NXPE3: variants seen among roughly 807,000 people sequenced by gnomAD.
NXPE3 encodes neurexophilin and PC-esterase domain family member 3.
A neutral mutation model predicts 46.1 loss-of-function variants in NXPE3; 26 were observed. The ratio of observed to expected loss-of-function variants is 0.56; its 90% CI spans 0.41 to 0.78. The LOEUF is 0.78. Among genes scored for constraint, NXPE3 ranks in the 30% least tolerant of loss-of-function variants. The probability of loss-of-function intolerance (pLI) is 0.00; values close to 1 mark genes in which losing one functional copy is unlikely to be tolerated. For missense variants in NXPE3, 620 were observed against 686.0 expected (o/e 0.90, Z 1.07); for synonymous variants, 272 against 257.9 (o/e 1.05, Z -0.52).
At position 101,824,755 on chromosome 3, in the gene NXPE3, TGTC is replaced by T. The variant is rs1171381192; in HGVS notation, c.*2804_*2806del. On this transcript the variant is annotated 3_prime_UTR_variant, in exon 8 of 8. Coordinates refer to ENST00000273347, the MANE Select transcript of NXPE3 (RefSeq NM_145037.4). ...ACTGTGCCCAGCTGAGAGTTTTTCT[TGTC>T]GTGAAAGAACTTGACATTTCCTCAA... The T allele has an allele frequency of 6.6e-6, 1 of 152,178 alleles. No individual in the cohort carries two copies. Among genetic ancestry groups the T allele is most frequent in the Non-Finnish European group, 1.5e-5 (1 of 68,040 alleles). 9.4% of individuals were successfully genotyped at this position (152,178 alleles called of 1,614,324 possible).
chr3:101,798,173 C>T (rs577502424), intron 4 of NXPE3, among the ~76,000 whole-genome samples: 1 of 151,514 alleles, frequency 6.6e-6, no homozygotes, highest in African/African-American at 2.4e-5. Flanking sequence ...CTCTGATGGC[C>T]AGTGATGATG....
chr3:101,811,872 T>C (rs1941725376), intron 6 of NXPE3, among the ~76,000 whole-genome samples: 1 of 152,020 alleles, frequency 6.6e-6, no homozygotes, highest in Non-Finnish European at 1.5e-5. Flanking sequence ...TAGCTACCAT[T>C]GCAGGCACAA....
chr3:101,781,514 C>G (rs1185351742), intron 1 of NXPE3, among the ~76,000 whole-genome samples: 2 of 152,308 alleles, frequency 1.3e-5, no homozygotes, highest in East Asian at 1.9e-4. Flanking sequence ...AGATTGGCCA[C>G]TATGAGTCTT....
intron 6 of NXPE3, among the ~76,000 whole-genome samples, chr3:101,811,428 A>G (rs1411150042): frequency 6.6e-6 from 1 of 152,234 alleles, no homozygotes; most frequent in African/African-American, 2.4e-5. Flanking sequence ...TTGAATTTTC[A>G]CAATAACCCT....
chr3:101,803,546 A>G (rs1029548199), intron 5 of NXPE3, among the ~76,000 whole-genome samples: 2 of 152,224 alleles, frequency 1.3e-5, no homozygotes, highest in African/African-American at 2.4e-5. Context: ...TTAGTGACTG[A>G]GCAGATTATT....
At chr3:101,809,845 C>T (rs1941632738) in intron 6 of NXPE3, among the ~76,000 whole-genome samples, 1 of 152,066 alleles carries the variant, frequency 6.6e-6, no homozygotes, top group Non-Finnish European at 1.5e-5. Context: ...TTGAGCACTT[C>T]CTTAGTTTCT....
At chr3:101,796,128 C>CT (rs1940818246) in intron 4 of NXPE3, among the ~76,000 whole-genome samples, 1 of 152,216 alleles carries the variant, frequency 6.6e-6, no homozygotes, top group South Asian at 2.1e-4. Flanking sequence ...ATGCCCATTC[C>CT]TGAACCAGCC....
chr3:101,805,635 T>G (rs934720605), intron 5 of NXPE3, among the ~76,000 whole-genome samples: 3 of 152,110 alleles, frequency 2.0e-5, no homozygotes, highest in Non-Finnish European at 4.4e-5. Flanking sequence ...AGATGGAGTT[T>G]TGCCATGTTG....
chr3:101,797,424 ATT>A (rs5851282), intron 4 of NXPE3, among the ~76,000 whole-genome samples: 1,822 of 143,208 alleles, frequency 0.013, 12 homozygotes, highest in Non-Finnish European at 0.018. Context: ...TTTTTTTTTA[ATT>A]TTTTTTTTTT....
At chr3:101,813,684 GATAACC>G (rs1247808085) in intron 6 of NXPE3, among the ~76,000 whole-genome samples, 1 of 152,128 alleles carries the variant, frequency 6.6e-6, no homozygotes, top group East Asian at 1.9e-4. Context: ...CAATTTTCAA[GATAACC>G]ATAAAGTTGA....
chr3:101,819,086 T>C (rs1023760157), intron 7 of NXPE3, among the ~76,000 whole-genome samples: 4 of 152,036 alleles, frequency 2.6e-5, no homozygotes, highest in African/African-American at 9.7e-5. Flanking sequence ...TATATTCTGA[T>C]GTTACTTTTT....
chr3:101,805,499 G>C (rs1360752331), intron 5 of NXPE3, among the ~76,000 whole-genome samples: 2 of 151,568 alleles, frequency 1.3e-5, no homozygotes, highest in African/African-American at 4.9e-5. Flanking sequence ...AGTGATCTCA[G>C]CTCACTGTAA....
In NXPE3 at chr3:101,827,158, T is replaced by C. The variant is rs1942527531; in HGVS notation, c.*5204T>C. 6.6e-6 allele frequency: 1 copy of C among 152,158 alleles called. No individual in the cohort carries two copies. The highest frequency in any genetic ancestry group is 1.9e-4 in the East Asian group (1 of 5,194). 9.4% of individuals were successfully genotyped at this position (152,158 alleles called of 1,614,324 possible). A position where few individuals can be genotyped will look rare whatever the true frequency, so the allele number is the denominator to read the frequency against. On this transcript the variant is annotated 3_prime_UTR_variant, in exon 8 of 8. Coordinates refer to ENST00000273347, the MANE Select transcript of NXPE3 (RefSeq NM_145037.4). ...AGGCCATCGGGCCTCTTTTTAAGAG[T>C]CTAATGATGTGTATATCTAATGCCC...
intron 4 of NXPE3, among the ~76,000 whole-genome samples, chr3:101,790,889 C>A (rs1011269163): frequency 6.6e-6 from 1 of 152,178 alleles, no homozygotes; most frequent in African/African-American, 2.4e-5. Flanking sequence ...AGTCACCACA[C>A]CCAGCCAGTT....
chr3:101,807,604 A>G (rs748064838), intron 6 of NXPE3, among the ~76,000 whole-genome samples: 39 of 151,894 alleles, frequency 2.6e-4, no homozygotes, highest in Non-Finnish European at 5.3e-4. Flanking sequence ...GATTACAGAC[A>G]TGTGCACGGC....
intron 4 of NXPE3, among the ~76,000 whole-genome samples, chr3:101,792,468 A>G (rs974412767): frequency 3.9e-5 from 6 of 152,012 alleles, no homozygotes; most frequent in Admixed American, 3.9e-4. Context: ...TCCAGTTTCA[A>G]TTTTTTGCAT....
chr3:101,818,725 A>G, intron 7 of NXPE3, among the ~76,000 whole-genome samples: 1 of 7,076 alleles, frequency 1.4e-4, no homozygotes, highest in African/African-American at 3.7e-4. Flanking sequence ...TTATATATAT[A>G]TATATATATA....
rs1231468423 is a variant in NXPE3 at position 101,825,523 on chromosome 3, T to C, written c.*3569T>C. 6.6e-6 allele frequency: 1 copy of C among 152,206 alleles called. No individual in the cohort carries two copies. Among genetic ancestry groups the C allele is most frequent in the Non-Finnish European group, 1.5e-5 (1 of 68,028 alleles). 9.4% of individuals were successfully genotyped at this position (152,206 alleles called of 1,614,324 possible). On this transcript the variant is annotated 3_prime_UTR_variant, in exon 8 of 8. Coordinates refer to ENST00000273347, the MANE Select transcript of NXPE3 (RefSeq NM_145037.4). ...AAGAAAAATCTATGGATAAAATCCA[T>C]AATTCTATCATCTGAATGCAATGAA... is the stretch of plus-strand genomic sequence containing the variant.
At chr3:101,792,565 A>G (rs955967649) in intron 4 of NXPE3, among the ~76,000 whole-genome samples, 4 of 151,918 alleles carry the variant, frequency 2.6e-5, no homozygotes, top group African/African-American at 9.7e-5. Context: ...TGAACATCAG[A>G]TTGGTCATAA....
Sources: allele counts gnomAD v4.1 joint callset (sites outside exome capture counted in the v4.1 genomes callset), GRCh38; gene constraint gnomAD v4.1.1; transcripts MANE v1.5; gene names NCBI Gene and HGNC (gene_info 2026-07-23, HGNC 2026-07-21).